The following WDR7 variants were observed in gnomAD, a reference collection of about 807,000 sequenced individuals.
WDR7 encodes the protein WD repeat domain 7.
A neutral mutation model predicts 169.4 loss-of-function variants in WDR7; 46 were observed. The observed-to-expected ratio is 0.27, with a 90% confidence interval of 0.21 to 0.35. The LOEUF (loss-of-function observed/expected upper bound fraction) is 0.35. Ranked by LOEUF, WDR7 falls within the 10% of genes least tolerant of loss-of-function variation. The pLI, the probability that WDR7 is intolerant of heterozygous loss-of-function variation, is 1.00. For synonymous variants in WDR7, 612 were observed against 666.8 expected, an observed-to-expected ratio of 0.92 and a Z score of 1.27; for missense variants, 1,534 against 1,859.3, an observed-to-expected ratio of 0.83 and a Z score of 3.22.
intron 14 of WDR7, among the ~76,000 whole-genome samples, chr18:56,751,278 G>C (rs2144907902): frequency 6.6e-6 from 1 of 152,278 alleles, no homozygotes; most frequent in Middle Eastern, 3.4e-3. Flanking sequence ...AGATCTGCAG[G>C]TGCCGAAAGC....
intron 20 of WDR7, among the ~76,000 whole-genome samples, chr18:56,823,067 AATAC>A (rs1397340376): frequency 2.0e-5 from 3 of 152,210 alleles, no homozygotes; most frequent in African/African-American, 7.2e-5. Flanking sequence ...TGAATATTAA[AATAC>A]AGAAAAAAAT....
chr18:56,920,941 A>G (rs1393133087), intron 21 of WDR7, among the ~76,000 whole-genome samples: 1 of 152,210 alleles, frequency 6.6e-6, no homozygotes, highest in Non-Finnish European at 1.5e-5. Flanking sequence ...CCTAAATTAG[A>G]GAATACAATA....
intron 26 of WDR7, among the ~76,000 whole-genome samples, chr18:56,974,146 GT>G (rs991881907): frequency 6.6e-6 from 1 of 152,130 alleles, no homozygotes; most frequent in East Asian, 1.9e-4. Context: ...AGATTTTTGT[GT>G]TTTTTCCCAT....
intron 19 of WDR7, among the ~76,000 whole-genome samples, chr18:56,792,964 G>T (rs1387582254): frequency 6.6e-6 from 1 of 152,076 alleles, no homozygotes; most frequent in Non-Finnish European, 1.5e-5. Context: ...ATATATTCTT[G>T]CTACTTCTCC....
intron 19 of WDR7, among the ~76,000 whole-genome samples, chr18:56,803,191 G>A (rs1430734557): frequency 1.3e-5 from 2 of 152,134 alleles, no homozygotes; most frequent in African/African-American, 4.8e-5. Context: ...GCACATTACA[G>A]TGTTTATCTA....
At position 56,959,290 on chromosome 18, in the gene WDR7, G is replaced by C. The variant is rs147950475; in HGVS notation, c.4065-3140G>C. Among the ~76,000 whole-genome samples the C allele has an allele frequency of 8.1e-3, 1,227 of 152,252 alleles. 10 individuals carry two copies. The highest frequency in any genetic ancestry group is 0.014 in the Admixed American group (217 of 15,286). ...CGTGAACAGGGCTGTGAACAGAAGGGAGGTGATTTATTGTTGAAAAGTTAC... is the reference window on the plus strand; with the variant it reads ...CGTGAACAGGGCTGTGAACAGAAGGCAGGTGATTTATTGTTGAAAAGTTAC... On this transcript the variant is annotated intron_variant, in intron 25 of 27. Coordinates refer to ENST00000254442, the MANE Select transcript of WDR7 (RefSeq NM_015285.3).
chr18:56,653,712 G>T (rs527245713), intron 1 of WDR7, among the ~76,000 whole-genome samples: 3 of 152,114 alleles, frequency 2.0e-5, no homozygotes, highest in Non-Finnish European at 4.4e-5. Flanking sequence ...TTGCATTGCT[G>T]TTCTTTGCTT....
intron 19 of WDR7, among the ~76,000 whole-genome samples, chr18:56,784,480 A>C (rs4801055): frequency 0.98 from 148,510 of 152,234 alleles, 72,548 homozygotes; most frequent in East Asian, 1. Flanking sequence ...ACTCTGTGTG[A>C]CTTTGCATAC....
At chr18:56,653,613 A>G (rs930407807) in intron 1 of WDR7, among the ~76,000 whole-genome samples, 2 of 152,106 alleles carry the variant, frequency 1.3e-5, no homozygotes, top group Non-Finnish European at 2.9e-5. Context: ...GTGTTATTAA[A>G]TGTATATTGT....
intron 1 of WDR7, among the ~76,000 whole-genome samples, chr18:56,660,275 A>T (rs2024876173): frequency 6.6e-6 from 1 of 152,168 alleles, no homozygotes; most frequent in African/African-American, 2.4e-5. Flanking sequence ...GTTGAGTAGG[A>T]AGCTGGACAT....
chr18:56,870,461 C>T (rs2045937904), intron 20 of WDR7, among the ~76,000 whole-genome samples: 1 of 151,998 alleles, frequency 6.6e-6, no homozygotes, highest in South Asian at 2.1e-4. Flanking sequence ...GTAGTTCTAG[C>T]TTGCTTAGGT....
intron 19 of WDR7, among the ~76,000 whole-genome samples, chr18:56,789,824 G>A (rs1319294434): frequency 6.6e-6 from 1 of 152,170 alleles, no homozygotes; most frequent in African/African-American, 2.4e-5. Context: ...TCTTAGAGGT[G>A]TTCACTTACC....
At chr18:56,863,435 A>G (rs1278581055) in intron 20 of WDR7, among the ~76,000 whole-genome samples, 1 of 151,746 alleles carries the variant, frequency 6.6e-6, no homozygotes, top group African/African-American at 2.4e-5. Context: ...TGTTTTATAG[A>G]TGAAGAAATG....
At chr18:56,696,799 G>A (rs76251831) in intron 12 of WDR7, among the ~76,000 whole-genome samples, 4,964 of 152,212 alleles carry the variant, frequency 0.033, 269 homozygotes, top group African/African-American at 0.11. Context: ...TGAAGACATT[G>A]TACAATCTCA....
rs149422249 is a variant in WDR7 at position 56,757,169 on chromosome 18, C to T, written c.2576C>T (p.Ser859Leu). The change falls in exon 15 of 28, where the codon TCA (serine) becomes TTA (leucine). Residue 859 changes from serine (S) to leucine (L), a missense_variant. Transcript: ENST00000254442. ...PGYNQPACKL[S>L]HGKTEVGRKL... is the part of the protein sequence containing the mutation. ...TATAATCAGCCTGCTTGTAAACTGT[C>T]ACATGGGAAAACAGAAGTAGGAAGG... 5.1e-5 allele frequency: 82 copies of T among 1,614,028 alleles called. No individual in the cohort carries two copies. Among genetic ancestry groups the T allele is most frequent in the Non-Finnish European group, 6.8e-5 (80 of 1,180,012 alleles).
At chr18:56,987,965 TATC>T (rs2047748980) in intron 26 of WDR7, among the ~76,000 whole-genome samples, 2 of 152,246 alleles carry the variant, frequency 1.3e-5, no homozygotes, top group East Asian at 1.9e-4. Flanking sequence ...TAATCATAAA[TATC>T]ATGTCTCCTG....
intron 13 of WDR7, among the ~76,000 whole-genome samples, chr18:56,728,182 A>G (rs2026502189): frequency 6.6e-6 from 1 of 152,194 alleles, no homozygotes. Flanking sequence ...ACTAGAGTTT[A>G]CTTAGGTCAC....
rs2048401648 is a variant in WDR7 at position 57,028,520 on chromosome 18, G to A, written c.*1313G>A. 1 of 152,204 alleles carries A rather than the reference G, an allele frequency of 6.6e-6. No individual in the cohort carries two copies. The highest frequency in any genetic ancestry group is 1.5e-5 in the Non-Finnish European group (1 of 68,038). The allele number at this position is 152,204 out of a possible 1,614,324, so 9.4% of individuals were successfully genotyped here. On this transcript the variant is annotated 3_prime_UTR_variant, in exon 28 of 28. Transcript: ENST00000254442. ...TGCCTAATTGTTGATTGGTTGGTTA[G>A]TTGGGCAAAATCATTTATTACATGC...
At position 56,994,523 on chromosome 18, in the gene WDR7, T is replaced by G. The variant is rs559613378; in HGVS notation, c.4165-26222T>G. Among the ~76,000 whole-genome samples, 6 of 152,368 alleles carry G rather than the reference T, an allele frequency of 3.9e-5. No individual in the cohort carries two copies. The East Asian group carries it at 1.2e-3, about 29-fold the overall frequency. ...TTTTAAAAAAAAGAGTTTGTTCACA[T>G]AAGTCCTGGGAATTTTTTCTTTTTG... On this transcript the variant is annotated intron_variant, in intron 26 of 27. Coordinates refer to ENST00000254442, the MANE Select transcript of WDR7 (RefSeq NM_015285.3).
Sources: allele counts gnomAD v4.1 joint callset (sites outside exome capture counted in the v4.1 genomes callset), GRCh38; gene constraint gnomAD v4.1.1; transcripts MANE v1.5; gene names NCBI Gene and HGNC (gene_info 2026-07-23, HGNC 2026-07-21).